The following AGPAT4 variants were observed in gnomAD, a reference collection of about 807,000 sequenced individuals.
AGPAT4 encodes the protein 1-acylglycerol-3-phosphate O-acyltransferase 4, also known as 1-acyl-sn-glycerol-3-phosphate acyltransferase delta.
Under a neutral mutation model 48.0 loss-of-function variants are expected in AGPAT4, and 15 were observed. That is an observed-to-expected ratio of 0.31 (90% confidence interval 0.21 to 0.48). The LOEUF (loss-of-function observed/expected upper bound fraction) is 0.48. AGPAT4 is among the 20% of genes least tolerant of loss of function. The pLI is 0.99. For missense variants in AGPAT4, 314 were observed against 482.5 expected (o/e 0.65, Z 3.27); for synonymous variants, 178 against 198.7 (o/e 0.90, Z 0.88).
In AGPAT4 at chr6:161,169,320, G is replaced by A. The variant is rs1019933420; in HGVS notation, c.179-2903C>T. Reference sequence around the variant, plus strand: ...GACTGGAATAGGGAGGCCAGTTAGCGGGTGACTACATCAGCACAGCGAGAG... The same window carrying A: ...GACTGGAATAGGGAGGCCAGTTAGCAGGTGACTACATCAGCACAGCGAGAG... On this transcript the variant is annotated intron_variant, in intron 2 of 8. Coordinates refer to ENST00000320285, the MANE Select transcript of AGPAT4 (RefSeq NM_020133.3). The surrounding 1 kb of genome is among the most constrained non-coding windows in gnomAD (Gnocchi z 5.0). 3.3e-5 allele frequency among the ~76,000 whole-genome samples: 5 copies of A among 152,182 alleles called. No homozygotes were observed. Among genetic ancestry groups the A allele is most frequent in the Non-Finnish European group, 7.3e-5 (5 of 68,044 alleles).
At position 161,164,696 on chromosome 6, in the gene AGPAT4, T is replaced by TA. The variant is rs1780042488; in HGVS notation, c.348+1551dup. 6.6e-6 allele frequency among the ~76,000 whole-genome samples: 1 copy of TA among 152,152 alleles called. No individual in the cohort carries two copies. The highest frequency in any genetic ancestry group is 1.5e-5 in the Non-Finnish European group (1 of 68,042). ...TAATAATATCCTAAGGATTAGAAAT[T>TA]ACGGAAATAAGGTGAACAGCACACG... On this transcript the variant is annotated intron_variant, in intron 3 of 8. Transcript: ENST00000320285. The surrounding 1 kb of genome is among the most constrained non-coding windows in gnomAD (Gnocchi z 7.4).
chr6:161,210,595 C>T (rs1471984063), intron 2 of AGPAT4, among the ~76,000 whole-genome samples: 1 of 152,038 alleles, frequency 6.6e-6, no homozygotes, highest in Non-Finnish European at 1.5e-5. Context: ...AGAGACTAGT[C>T]AAATGCTTTT....
In AGPAT4 at chr6:161,217,455, C is replaced by T. The variant is rs1018973241; in HGVS notation, c.178+14581G>A. Among the ~76,000 whole-genome samples, 11 of 152,150 alleles carry T rather than the reference C, an allele frequency of 7.2e-5. No homozygotes were observed. The highest frequency in any genetic ancestry group is 2.2e-4 in the African/African-American group (9 of 41,424). On this transcript the variant is annotated intron_variant, in intron 2 of 8. Transcript: ENST00000320285. The surrounding 1 kb of genome is among the most constrained non-coding windows in gnomAD (Gnocchi z 4.9). ...TAACAGCCTGTCACAACGTTGCAGGCGATATCCAAGCCCAAAAGACATGCT... is the reference window on the plus strand; with the variant it reads ...TAACAGCCTGTCACAACGTTGCAGGTGATATCCAAGCCCAAAAGACATGCT...
At chr6:161,209,402 T>G (rs1028339793) in intron 2 of AGPAT4, among the ~76,000 whole-genome samples, 2 of 152,166 alleles carry the variant, frequency 1.3e-5, no homozygotes, top group African/African-American at 4.8e-5. Context: ...GCTAGAAAAT[T>G]TTTTGCAAAT....
chr6:161,191,600 C>T (rs1336803987), intron 2 of AGPAT4, among the ~76,000 whole-genome samples: 3 of 152,222 alleles, frequency 2.0e-5, no homozygotes, highest in Non-Finnish European at 4.4e-5. Context: ...AAGATGTATA[C>T]ATATTCTTTC....
intron 2 of AGPAT4, among the ~76,000 whole-genome samples, chr6:161,230,852 T>G (rs889184587): frequency 6.6e-6 from 1 of 152,256 alleles, no homozygotes; most frequent in Non-Finnish European, 1.5e-5. Flanking sequence ...TGGAAGCTCT[T>G]GCACTCAAAC....
rs1259148469 is a variant in AGPAT4 at position 161,218,287 on chromosome 6, T to C, written c.178+13749A>G. Among the ~76,000 whole-genome samples, 1 of 152,206 alleles carries C rather than the reference T, an allele frequency of 6.6e-6. No homozygotes were observed. Among genetic ancestry groups the C allele is most frequent in the African/African-American group, 2.4e-5 (1 of 41,448 alleles). On this transcript the variant is annotated intron_variant, in intron 2 of 8. Coordinates refer to ENST00000320285, the MANE Select transcript of AGPAT4 (RefSeq NM_020133.3). This position sits in a 1 kb window ranked among gnomAD's most constrained non-coding sequence, Gnocchi z 4.7. ...TGATTTATAGTTCTGCCGATTTCTA[T>C]GGTGCAAATATTCCCACAAATGTCA...
chr6:161,161,016 G>A lies in AGPAT4; in HGVS notation c.348+5232C>T, dbSNP rs1223964551. On this transcript the variant is annotated intron_variant, in intron 3 of 8. Coordinates refer to ENST00000320285, the MANE Select transcript of AGPAT4 (RefSeq NM_020133.3). The surrounding 1 kb of genome is among the most constrained non-coding windows in gnomAD (Gnocchi z 4.6). ...GGGGCATCAGAGGGCCCTAAGCACA[G>A]AGCACGAAAGGGGGACAGTTCATGG... is the stretch of plus-strand genomic sequence containing the variant. The A allele has an allele frequency of 2.2e-6, 1 of 454,914 alleles. No homozygotes were observed. Among genetic ancestry groups the A allele is most frequent in the South Asian group, 1.5e-5 (1 of 64,526 alleles). The allele number at this position is 454,914 out of a possible 1,614,324, so 28.2% of individuals were successfully genotyped here.
chr6:161,157,943 CT>C (rs1206951047), intron 3 of AGPAT4, among the ~76,000 whole-genome samples: 1 of 152,202 alleles, frequency 6.6e-6, no homozygotes, highest in Non-Finnish European at 1.5e-5. Flanking sequence ...CACATATTCC[CT>C]GGTGTCCCTG....
chr6:161,154,676 C>T lies in AGPAT4; in HGVS notation c.349-366G>A, dbSNP rs558568889. On this transcript the variant is annotated intron_variant, in intron 3 of 8. Coordinates refer to ENST00000320285, the MANE Select transcript of AGPAT4 (RefSeq NM_020133.3). This position sits in a 1 kb window ranked among gnomAD's most constrained non-coding sequence, Gnocchi z 7.8. ...ACCGTCACATACTCGCTAAGCCCACCGTGCAGCTGTGTGACACTAATTTGT... is the reference window on the plus strand; with the variant it reads ...ACCGTCACATACTCGCTAAGCCCACTGTGCAGCTGTGTGACACTAATTTGT... Among the ~76,000 whole-genome samples, 20 of 152,328 alleles carry T rather than the reference C, an allele frequency of 1.3e-4. No individual in the cohort carries two copies. The highest frequency in any genetic ancestry group is 3.4e-4 in the African/African-American group (14 of 41,576).
Position 161,270,646 on chromosome 6 carries a change from G to T in AGPAT4, c.-90+3292C>A, listed in dbSNP as rs1017083211. Among the ~76,000 whole-genome samples the T allele has an allele frequency of 3.9e-5, 6 of 152,234 alleles. No individual in the cohort carries two copies. In the Middle Eastern group the frequency reaches 0.01, roughly 259 times the overall value. The stretch of plus-strand genomic sequence containing the variant: ...ATAAAAAATAAATTAGCTGGGCGTG[G>T]TGCCACATGCTTGTGATCCCAGCTA... On this transcript the variant is annotated intron_variant, in intron 1 of 8. Coordinates refer to ENST00000320285, the MANE Select transcript of AGPAT4 (RefSeq NM_020133.3). The surrounding 1 kb of genome is among the most constrained non-coding windows in gnomAD (Gnocchi z 5.3).
rs1360393798 is a variant in AGPAT4 at position 161,267,266 on chromosome 6, AAACTATAGT to A, written c.-90+6663_-90+6671del. Among the ~76,000 whole-genome samples, 12 of 152,326 alleles carry A rather than the reference AAACTATAGT, an allele frequency of 7.9e-5. No homozygotes were observed. Among genetic ancestry groups the A allele is most frequent in the Middle Eastern group, 3.4e-3 (1 of 294 alleles). On this transcript the variant is annotated intron_variant, in intron 1 of 8. Transcript: ENST00000320285. The surrounding 1 kb of genome is among the most constrained non-coding windows in gnomAD (Gnocchi z 5.2). The stretch of plus-strand genomic sequence containing the variant: ...CCATAATAAAAACAACACTCCCTGA[AAACTATAGT>A]AGCTTGTCTTATAAAGTACTGCTGT...
intron 3 of AGPAT4, chr6:161,160,993 G>C (rs1343475714): frequency 4.4e-6 from 2 of 456,386 alleles, no homozygotes; most frequent in Non-Finnish European, 8.8e-6. Context: ...AGGCAGATGG[G>C]GCATCAGAGG....
In AGPAT4 at chr6:161,215,426, C is replaced by T. The variant is rs988366799; in HGVS notation, c.178+16610G>A. The stretch of plus-strand genomic sequence containing the variant: ...TGGATTTACAAAACATACGCATATA[C>T]CCAGCAAACACAGACTGACAGTGAC... On this transcript the variant is annotated intron_variant, in intron 2 of 8. Coordinates refer to ENST00000320285, the MANE Select transcript of AGPAT4 (RefSeq NM_020133.3). This position sits in a 1 kb window ranked among gnomAD's most constrained non-coding sequence, Gnocchi z 4.5. Among the ~76,000 whole-genome samples, 12 of 152,150 alleles carry T rather than the reference C, an allele frequency of 7.9e-5. No homozygotes were observed. Among genetic ancestry groups the T allele is most frequent in the African/African-American group, 2.9e-4 (12 of 41,434 alleles).
Position 161,189,075 on chromosome 6 carries a change from A to G in AGPAT4, c.179-22658T>C, listed in dbSNP as rs1174254013. ...AGTAATAAATCTGTGCCTATTTTAT[A>G]TCCCCATCTTTAAAACATCCCTGAT... On this transcript the variant is annotated intron_variant, in intron 2 of 8. Coordinates refer to ENST00000320285, the MANE Select transcript of AGPAT4 (RefSeq NM_020133.3). The surrounding 1 kb of genome is among the most constrained non-coding windows in gnomAD (Gnocchi z 5.3). Among the ~76,000 whole-genome samples the G allele has an allele frequency of 3.3e-5, 5 of 152,188 alleles. No homozygotes were observed. The highest frequency in any genetic ancestry group is 1.2e-4 in the African/African-American group (5 of 41,444).
rs1431483663 is a variant in AGPAT4, at chr6:161,242,617, G to A, written c.-89-10315C>T. On this transcript the variant is annotated intron_variant, in intron 1 of 8. Coordinates refer to ENST00000320285, the MANE Select transcript of AGPAT4 (RefSeq NM_020133.3). This position sits in a 1 kb window ranked among gnomAD's most constrained non-coding sequence, Gnocchi z 5.0. Reference sequence around the variant, plus strand: ...GGGTGTATGAGCTATTTTAAACAATGCTCAGCAGAGGCATATTTTAAAATT... The same window carrying A: ...GGGTGTATGAGCTATTTTAAACAATACTCAGCAGAGGCATATTTTAAAATT... 1.3e-5 allele frequency among the ~76,000 whole-genome samples: 2 copies of A among 152,120 alleles called. No individual in the cohort carries two copies. The highest frequency in any genetic ancestry group is 2.9e-5 in the Non-Finnish European group (2 of 68,034).
rs933679790 is a variant in AGPAT4 at position 161,226,942 on chromosome 6, G to A, written c.178+5094C>T. 7.2e-5 allele frequency among the ~76,000 whole-genome samples: 11 copies of A among 152,204 alleles called. No homozygotes were observed. Among genetic ancestry groups the A allele is most frequent in the African/African-American group, 2.7e-4 (11 of 41,456 alleles). ...AGCTCCTAGGCAAAGCAGGGAAGAA[G>A]AAGGAAGAAGGAATAGAAGAAGGAA... On this transcript the variant is annotated intron_variant, in intron 2 of 8. Transcript: ENST00000320285. The surrounding 1 kb of genome is among the most constrained non-coding windows in gnomAD (Gnocchi z 6.3).
intron 1 of AGPAT4, among the ~76,000 whole-genome samples, chr6:161,269,914 A>T (rs1783374968): frequency 6.6e-6 from 1 of 152,228 alleles, no homozygotes; most frequent in East Asian, 1.9e-4. Context: ...GAAGAAGTAG[A>T]GCAAATTAGA....
At position 161,149,137 on chromosome 6, in the gene AGPAT4, T is replaced by C. The variant is rs905752655; in HGVS notation, c.767+50A>G. 2 of 1,593,774 alleles carry C rather than the reference T, an allele frequency of 1.3e-6. No homozygotes were observed. Among genetic ancestry groups the C allele is most frequent in the African/African-American group, 2.7e-5 (2 of 74,156 alleles). ...GTCTCTAGGTCATTTGTGATGTGTT[T>C]ACTTTGAAATGGGCACTGTCTTTTC... On this transcript the variant is annotated intron_variant, in intron 6 of 8. Transcript: ENST00000320285. The surrounding 1 kb of genome is among the most constrained non-coding windows in gnomAD (Gnocchi z 6.5).
Sources: gnomAD v4.1 joint callset for allele counts (sites outside exome capture counted in the v4.1 genomes callset) on GRCh38, gnomAD v4.1.1 for gene constraint, Gnocchi (gnomAD v3.1) non-coding constraint, MANE v1.5 for transcripts, NCBI Gene and HGNC (gene_info 2026-07-23, HGNC 2026-07-21) for gene names.